CPSF3: variants seen among roughly 807,000 people sequenced by gnomAD.
The protein encoded by CPSF3 is cleavage and polyadenylation specificity factor subunit 3.
CPSF3 carries 57 observed loss-of-function variants against 84.1 expected under a neutral mutation model. The ratio of observed to expected loss-of-function variants is 0.68; its 90% CI spans 0.55 to 0.85. The LOEUF (loss-of-function observed/expected upper bound fraction) is 0.85, where lower values mean the gene tolerates loss of function less well. Among genes scored for constraint, CPSF3 ranks in the 40% least tolerant of loss-of-function variants. The pLI is 0.00. For synonymous variants in CPSF3, 275 were observed against 278.1 expected (o/e 0.99, Z 0.11); for missense variants, 522 against 838.8 (o/e 0.62, Z 4.66).
At chr2:9,448,996 C>T (rs1350175667) in intron 11 of CPSF3, among the ~76,000 whole-genome samples, 1 of 152,206 alleles carries the variant, frequency 6.6e-6, no homozygotes, top group African/African-American at 2.4e-5. Flanking sequence ...CACCTCTTGT[C>T]ATTCTCCCTG....
intron 11 of CPSF3, among the ~76,000 whole-genome samples, chr2:9,450,803 C>T (rs1226084902): frequency 1.4e-4 from 22 of 152,084 alleles, no homozygotes; most frequent in Admixed American, 8.5e-4. Flanking sequence ...AGCAACTTTA[C>T]GACACACTTT....
intron 11 of CPSF3, among the ~76,000 whole-genome samples, chr2:9,449,781 A>G (rs190712686): frequency 1.3e-5 from 2 of 152,290 alleles, no homozygotes; most frequent in Admixed American, 1.3e-4. Flanking sequence ...TGAGAGTGAA[A>G]TGTAACATTT....
intron 17 of CPSF3, 142 bp from the exon 18 acceptor site, chr2:9,472,772 ACT>A (rs2124881380): frequency 1.5e-6 from 1 of 672,532 alleles, no homozygotes; most frequent in Non-Finnish European, 2.7e-6. Context: ...CCCACCTCAG[ACT>A]CTTATCTGGG....
At chr2:9,442,245 C>A (rs1199355670) in intron 9 of CPSF3, among the ~76,000 whole-genome samples, 1 of 152,084 alleles carries the variant, frequency 6.6e-6, no homozygotes, top group Non-Finnish European at 1.5e-5. Context: ...TGGACAGGAA[C>A]CTGTTTGAGA....
chr2:9,447,543 T>C (rs184045667), intron 10 of CPSF3, among the ~76,000 whole-genome samples: 124 of 152,124 alleles, frequency 8.2e-4, no homozygotes, highest in Non-Finnish European at 1.4e-3. Context: ...CCCAGCACTT[T>C]GGGAGGCCAA....
intron 15 of CPSF3, among the ~76,000 whole-genome samples, chr2:9,464,447 T>C (rs1258313237): frequency 1.3e-5 from 2 of 152,156 alleles, no homozygotes; most frequent in Non-Finnish European, 2.9e-5. Context: ...TGTGAGATTG[T>C]TTTTACATGT....
intron 3 of CPSF3, 96 bp from the exon 4 acceptor site, chr2:9,430,656 A>G: frequency 8.6e-7 from 1 of 1,159,716 alleles, no homozygotes; most frequent in Non-Finnish European, 1.2e-6. Flanking sequence ...ATAGTTGTTT[A>G]TATAAAACTT....
intron 10 of CPSF3, among the ~76,000 whole-genome samples, chr2:9,446,105 C>G (rs1681116002): frequency 6.6e-6 from 1 of 152,350 alleles, no homozygotes; most frequent in African/African-American, 2.4e-5. Context: ...TAAGCCCCTG[C>G]CACGTGCTGG....
intron 1 of CPSF3, among the ~76,000 whole-genome samples, chr2:9,426,666 GCAAGA>G (rs1680404039): frequency 6.6e-6 from 1 of 152,144 alleles, no homozygotes; most frequent in South Asian, 2.1e-4. Context: ...AGGAAAGCCA[GCAAGA>G]CAAGATGAGA....
At position 9,452,930 on chromosome 2, in the gene CPSF3, A is replaced by C. The variant is rs1044379083; in HGVS notation, c.1413A>C (p.Ala471=). ...TTTTACAGGTTATGGGATTTTTAGCAGACAAAAAACCAGAACAAGGCCAGC... is the reference window on the plus strand; with the variant it reads ...TTTTACAGGTTATGGGATTTTTAGCCGACAAAAAACCAGAACAAGGCCAGC... The part of the protein sequence containing the change: ...EKLAKVMGFL[A]DKKPEQGQRV... The change falls in exon 12 of 18, where the codon GCA becomes GCC. Residue 471 remains alanine, a synonymous_variant. Transcript: ENST00000238112. 1.3e-6 allele frequency: 2 copies of C among 1,598,522 alleles called. No homozygotes were observed. Among genetic ancestry groups the C allele is most frequent in the Non-Finnish European group, 1.7e-6 (2 of 1,175,852 alleles).
At chr2:9,424,057 G>A (rs941832637) in intron 1 of CPSF3, 741 of 1,241,732 alleles carry the variant, frequency 6.0e-4, no homozygotes, top group Admixed American at 1.6e-3. Context: ...GGGAGGGTAT[G>A]TTGGAGTCGG....
chr2:9,468,169 C>T (rs1682039092), intron 16 of CPSF3, among the ~76,000 whole-genome samples: 1 of 152,160 alleles, frequency 6.6e-6, no homozygotes, highest in Non-Finnish European at 1.5e-5. Context: ...TTCTTCTAGA[C>T]TCTTCTTAGT....
At chr2:9,470,234 A>C (rs781444352) in intron 16 of CPSF3, among the ~76,000 whole-genome samples, 12 of 152,206 alleles carry the variant, frequency 7.9e-5, no homozygotes, top group Non-Finnish European at 1.5e-4. Context: ...ATAAATAAAT[A>C]AAATAAAATA....
rs544072348 is a variant in CPSF3, at chr2:9,432,669, T to C, written c.500T>C (p.Ile167Thr). 8 of 1,542,216 alleles carry C rather than the reference T, an allele frequency of 5.2e-6. No individual in the cohort carries two copies. The highest frequency in any genetic ancestry group is 1.7e-4 in the Middle Eastern group (1 of 5,784). The stretch of plus-strand genomic sequence containing the variant: ...GTCCTAGGAGCCGCCATGTTCATGA[T>C]TGAGATCGCAGGCGTGAAGGTACCC... ...GHVLGAAMFM[I>T]EIAGVKLLYT... is the part of the protein sequence containing the mutation. The change falls in exon 5 of 18, where the codon ATT becomes ACT. Residue 167 changes from isoleucine to threonine, a missense_variant. Ile to Thr is a moderately conservative substitution (Grantham distance 89). Transcript: ENST00000238112.
chr2:9,455,683 C>T lies in CPSF3; in HGVS notation c.1529C>T (p.Thr510Met), dbSNP rs770832577. The part of the protein sequence containing the change: ...LSNYTDLAMS[T>M]VKQTQAIPYT... ...GATTATACTGACCTGGCCATGAGCACGGTGAAGCAGACCCAAGCCATTCCA... is the reference window on the plus strand; with the variant it reads ...GATTATACTGACCTGGCCATGAGCATGGTGAAGCAGACCCAAGCCATTCCA... Residue 510 changes from threonine (T) to methionine (M), a missense_variant, in exon 13 of 18, where the codon ACG becomes ATG. Around this residue, in one of 2 missense-constraint regions of CPSF3, gnomAD observed 193 missense variants for 231.6 expected, o/e 0.83. Coordinates refer to ENST00000238112, the MANE Select transcript of CPSF3 (RefSeq NM_016207.4). 87 of 1,613,798 alleles carry T rather than the reference C, an allele frequency of 5.4e-5. No individual in the cohort carries two copies. The highest frequency in any genetic ancestry group is 2.6e-4 in the South Asian group (24 of 91,084).
chr2:9,456,033 A>G (rs1286505850), intron 13 of CPSF3, among the ~76,000 whole-genome samples: 1 of 152,190 alleles, frequency 6.6e-6, no homozygotes, highest in Non-Finnish European at 1.5e-5. Flanking sequence ...CTTATCTTTG[A>G]CCCAATTAAA....
At chr2:9,462,770 T>A (rs922696511) in intron 15 of CPSF3, among the ~76,000 whole-genome samples, 1 of 152,242 alleles carries the variant, frequency 6.6e-6, no homozygotes, top group African/African-American at 2.4e-5. Flanking sequence ...ATCCCTCTTA[T>A]GCTAATAATA....
At chr2:9,459,064 A>G (rs1029901623) in intron 14 of CPSF3, among the ~76,000 whole-genome samples, 1 of 151,908 alleles carries the variant, frequency 6.6e-6, no homozygotes, top group African/African-American at 2.4e-5. Flanking sequence ...GTGAGCCAAG[A>G]TCACGCCATT....
chr2:9,440,403 C>T, intron 7 of CPSF3, 88 bp from the exon 8 acceptor site: 3 of 1,027,440 alleles, frequency 2.9e-6, no homozygotes, highest in South Asian at 1.7e-5. Flanking sequence ...GTATGTGTAT[C>T]ATTTCTTGTT....
Sources: gnomAD v4.1 joint callset for allele counts (sites outside exome capture counted in the v4.1 genomes callset) on GRCh38, gnomAD v4.1.1 for gene constraint, gnomAD v4.1.1 regional missense constraint, MANE v1.5 for transcripts, NCBI Gene and HGNC (gene_info 2026-07-23, HGNC 2026-07-21) for gene names.